Variants in FARS2 observed in about 807,000 individuals in gnomAD.
FARS2 encodes phenylalanine--tRNA ligase, mitochondrial.
In FARS2, 40 loss-of-function variants were observed where a neutral mutation model predicts 46.4. That is an observed-to-expected ratio of 0.86 (90% CI 0.67 to 1.12). The LOEUF is 1.12. FARS2 is among the 50% of genes most tolerant of loss of function. FARS2 has a pLI of 0.00. For synonymous variants in FARS2, 234 were observed against 214.9 expected, an observed-to-expected ratio of 1.09 and a Z score of -0.78; for missense variants, 513 against 567.9, an observed-to-expected ratio of 0.90 and a Z score of 0.98.
intron 6 of FARS2, among the ~76,000 whole-genome samples, chr6:5,669,204 G>A (rs556547315): frequency 1.3e-5 from 2 of 152,250 alleles, no homozygotes; most frequent in African/African-American, 4.8e-5. Flanking sequence ...TCCTTGACAC[G>A]GAGCAGACGT....
chr6:5,740,392 A>G (rs902428483), intron 6 of FARS2, among the ~76,000 whole-genome samples: 1 of 152,180 alleles, frequency 6.6e-6, no homozygotes, highest in African/African-American at 2.4e-5. Context: ...CTTTGAGGCC[A>G]TTTTAATTTT....
intron 3 of FARS2, among the ~76,000 whole-genome samples, chr6:5,429,975 A>C (rs1763070851): frequency 6.6e-6 from 1 of 151,998 alleles, no homozygotes; most frequent in African/African-American, 2.4e-5. Flanking sequence ...TGGTAGAAGC[A>C]TAGTAAGTCC....
chr6:5,577,172 T>C (rs912402229), intron 5 of FARS2, among the ~76,000 whole-genome samples: 2 of 152,306 alleles, frequency 1.3e-5, no homozygotes, highest in East Asian at 3.9e-4. Flanking sequence ...AATTCTAGCT[T>C]GAGCAGAAGA....
At chr6:5,546,479 T>C (rs1172793325) in intron 5 of FARS2, among the ~76,000 whole-genome samples, 1 of 151,802 alleles carries the variant, frequency 6.6e-6, no homozygotes, top group Non-Finnish European at 1.5e-5. Context: ...CTCAAACTCC[T>C]GACCTTGTGA....
chr6:5,430,470 T>C, intron 3 of FARS2, among the ~76,000 whole-genome samples: 1 of 152,102 alleles, frequency 6.6e-6, no homozygotes, highest in East Asian at 1.9e-4. Flanking sequence ...TAATCATTCA[T>C]CTGTAGGAAA....
At chr6:5,293,752 A>C (rs1261065676) in intron 1 of FARS2, among the ~76,000 whole-genome samples, 5 of 152,166 alleles carry the variant, frequency 3.3e-5, no homozygotes, top group Non-Finnish European at 5.9e-5. Flanking sequence ...GGCATTTTGG[A>C]ACTTGAGGAC....
At chr6:5,500,494 T>C (rs1461612002) in intron 4 of FARS2, among the ~76,000 whole-genome samples, 1 of 152,048 alleles carries the variant, frequency 6.6e-6, no homozygotes, top group African/African-American at 2.4e-5. Context: ...CAGCGGAGGG[T>C]GGGGCAAGGC....
At chr6:5,327,933 A>G (rs753181151) in intron 1 of FARS2, among the ~76,000 whole-genome samples, 2 of 152,200 alleles carry the variant, frequency 1.3e-5, no homozygotes, top group Non-Finnish European at 2.9e-5. Flanking sequence ...TGTCCTGCAC[A>G]TTATTGAAAT....
chr6:5,611,125 C>G (rs757065294), intron 5 of FARS2, among the ~76,000 whole-genome samples: 1 of 152,124 alleles, frequency 6.6e-6, no homozygotes, highest in Non-Finnish European at 1.5e-5. Context: ...GGAAGACAGC[C>G]ATGAAGTAAG....
chr6:5,585,338 C>G (rs1773557985), intron 5 of FARS2, among the ~76,000 whole-genome samples: 1 of 152,120 alleles, frequency 6.6e-6, no homozygotes, highest in South Asian at 2.1e-4. Context: ...GTAAGGACAA[C>G]TGACGTCTGC....
At chr6:5,681,788 C>G (rs1044415475) in intron 6 of FARS2, among the ~76,000 whole-genome samples, 8 of 152,168 alleles carry the variant, frequency 5.3e-5, no homozygotes, top group African/African-American at 1.9e-4. Context: ...TGCTTCTCCC[C>G]CTCCCTTCCT....
intron 1 of FARS2, among the ~76,000 whole-genome samples, chr6:5,339,253 A>G (rs1430415157): frequency 6.6e-6 from 1 of 152,250 alleles, no homozygotes; most frequent in African/African-American, 2.4e-5. Context: ...TAACTGGGAA[A>G]GTGTTATCTC....
intron 6 of FARS2, among the ~76,000 whole-genome samples, chr6:5,661,059 A>G (rs952843356): frequency 2.6e-4 from 39 of 152,186 alleles, no homozygotes; most frequent in African/African-American, 8.9e-4. Context: ...GCACAGCTAC[A>G]CAAGCAACAA....
chr6:5,579,986 T>C (rs1773230673), intron 5 of FARS2, among the ~76,000 whole-genome samples: 1 of 152,030 alleles, frequency 6.6e-6, no homozygotes, highest in Non-Finnish European at 1.5e-5. Flanking sequence ...TGTCAGAACA[T>C]AGGGCCTATA....
At chr6:5,280,076 A>C (rs1012946632) in intron 1 of FARS2, among the ~76,000 whole-genome samples, 2 of 152,168 alleles carry the variant, frequency 1.3e-5, no homozygotes, top group Admixed American at 6.5e-5. Flanking sequence ...TCCTCTATCT[A>C]TGAGCTGTCT....
chr6:5,612,127 T>A (rs1157173541), intron 5 of FARS2, among the ~76,000 whole-genome samples: 1 of 152,248 alleles, frequency 6.6e-6, no homozygotes, highest in Non-Finnish European at 1.5e-5. Flanking sequence ...GTATGAAATG[T>A]GTGTTCTAAA....
intron 3 of FARS2, among the ~76,000 whole-genome samples, chr6:5,410,768 T>C (rs1181297614): frequency 6.6e-6 from 1 of 152,174 alleles, no homozygotes; most frequent in East Asian, 1.9e-4. Flanking sequence ...AGATGTTGTA[T>C]TGAGAGTAAA....
At chr6:5,400,382 C>T (rs1761183551) in intron 2 of FARS2, among the ~76,000 whole-genome samples, 1 of 151,560 alleles carries the variant, frequency 6.6e-6, no homozygotes. Context: ...TTTTGTTCCC[C>T]TTCTTTTTTT....
At position 5,664,014 on chromosome 6, in the gene FARS2, CT is replaced by C. The variant is rs550968032; in HGVS notation, c.1217+50695del. ...TTCACAGCTCAGATCTGTGGCCCCCCTGGCCTCCTCAGCCCCTCTGAACAGT... is the reference window on the plus strand; with the variant it reads ...TTCACAGCTCAGATCTGTGGCCCCCCGGCCTCCTCAGCCCCTCTGAACAGT... On this transcript the variant is annotated intron_variant, in intron 6 of 6. Transcript: ENST00000274680. 1.2e-3 allele frequency among the ~76,000 whole-genome samples: 187 copies of C among 152,374 alleles called. 4 individuals carry two copies. In the South Asian group the frequency reaches 0.037, roughly 30 times the overall value.
Sources: gnomAD v4.1 joint callset for allele counts (sites outside exome capture counted in the v4.1 genomes callset) on GRCh38, gnomAD v4.1.1 for gene constraint, MANE v1.5 for transcripts, NCBI Gene and HGNC (gene_info 2026-07-23, HGNC 2026-07-21) for gene names.